The following ANO8 variants were observed in gnomAD, a reference collection of about 807,000 sequenced individuals.
ANO8 encodes the protein anoctamin-8.
Under a neutral mutation model 120.4 loss-of-function variants are expected in ANO8, and 67 were observed. That is an observed-to-expected ratio of 0.56 (90% CI 0.46 to 0.68). The LOEUF (loss-of-function observed/expected upper bound fraction) is 0.68, where lower values mean the gene tolerates loss of function less well. Ranked by LOEUF, ANO8 falls within the 30% of genes least tolerant of loss-of-function variation. The pLI is 0.00. For synonymous variants in ANO8, 727 were observed against 759.2 expected, an observed-to-expected ratio of 0.96 and a Z score of 0.70; for missense variants, 1,526 against 1,737.6, an observed-to-expected ratio of 0.88 and a Z score of 2.16.
At chr19:17,328,138 T>G (rs377730643) in intron 13 of ANO8, 24 bp downstream of exon 13, 441 of 1,145,052 alleles carry the variant, frequency 3.9e-4, no homozygotes, top group Non-Finnish European at 4.8e-4. Flanking sequence ...CCCCGCCCCC[T>G]GCGAGGCCCC....
In ANO8 at chr19:17,323,814, C is replaced by T. The variant is rs1484670217; in HGVS notation, c.3402G>A (p.Pro1134=). Residue 1134 remains proline (P), a synonymous_variant, in exon 18 of 18, where the codon CCG becomes CCA. Transcript: ENST00000159087. ...TCGGGGGCCGGGGCAGCGGCATTGGCGGCGGCGGCGCGGGGCTCCGGCTGC... is the reference window on the plus strand; with the variant it reads ...TCGGGGGCCGGGGCAGCGGCATTGGTGGCGGCGGCGCGGGGCTCCGGCTGC... ...TRRSRSPAPP[P]PMPLPRPPTP... is the part of the protein sequence containing the mutation. The T allele has an allele frequency of 1.2e-5, 13 of 1,127,512 alleles. No homozygotes were observed. The highest frequency in any genetic ancestry group is 1.3e-5 in the Non-Finnish European group (12 of 917,888). The allele number at this position is 1,127,512 out of a possible 1,614,324, so 69.8% of individuals were successfully genotyped here. A position where few individuals can be genotyped will look rare whatever the true frequency, so the allele number is the denominator to read the frequency against.
At chr19:17,329,259 C>T (rs1029521333) in intron 12 of ANO8, 2 of 414,908 alleles carry the variant, frequency 4.8e-6, no homozygotes, top group Non-Finnish European at 8.6e-6. Flanking sequence ...CACTGGGCCG[C>T]GTGCGCCCCC....
At chr19:17,331,461 C>T (rs1175376536) in intron 5 of ANO8, 50 bp from the exon 6 acceptor site, 1 of 1,550,120 alleles carries the variant, frequency 6.5e-7, no homozygotes, top group Admixed American at 1.7e-5. Flanking sequence ...CTGTGCCTAG[C>T]CTGGCTAGCC....
chr19:17,326,582 C>G (rs2074274934), intron 16 of ANO8, among the ~76,000 whole-genome samples: 1 of 152,154 alleles, frequency 6.6e-6, no homozygotes, highest in African/African-American at 2.4e-5. Flanking sequence ...ACGCGAGGCT[C>G]TGTTCAATAA....
intron 12 of ANO8, 105 bp downstream of exon 12, chr19:17,329,652 A>G: frequency 1.3e-6 from 1 of 780,406 alleles, no homozygotes. Flanking sequence ...AGGATGGAGG[A>G]GGGGAGGGAG....
rs371332758 is a variant in ANO8, at chr19:17,333,067, C to G, written c.489+34G>C. ...CGTGAGCTCAGGGAACTCATAGGCACAGGATGCATGCGGGGGCCCAGAGCC... is the reference window on the plus strand; with the variant it reads ...CGTGAGCTCAGGGAACTCATAGGCAGAGGATGCATGCGGGGGCCCAGAGCC... On this transcript the variant is annotated intron_variant, in intron 4 of 17. Transcript: ENST00000159087. This position sits in a 1 kb window ranked among gnomAD's most constrained non-coding sequence, Gnocchi z 7.2. The G allele has an allele frequency of 6.2e-7, 1 of 1,613,840 alleles. No homozygotes were observed. Among genetic ancestry groups the G allele is most frequent in the Non-Finnish European group, 8.5e-7 (1 of 1,179,914 alleles).
Position 17,325,130 on chromosome 19 carries a change from T to C in ANO8, c.2918A>G (p.Asn973Ser), listed in dbSNP as rs749610851. The C allele has an allele frequency of 9.3e-6, 15 of 1,613,686 alleles. No individual in the cohort carries two copies. Among genetic ancestry groups the C allele is most frequent in the Middle Eastern group, 1.6e-4 (1 of 6,062 alleles). ...GATCTGCTTCAACTTCATGACGTTG[T>C]TGGGTGCCAGCAGGGACCCTGGGCG... The part of the protein sequence containing the change: ...PKRPGSLLAP[N>S]NVMKLKQIIP... The change falls in exon 17 of 18, where the codon AAC becomes AGC. Residue 973 changes from asparagine to serine, a missense_variant. By Grantham distance (46) the Asn-to-Ser change is conservative. This residue lies in a region of ANO8 where 489 missense variants were observed against 548.6 expected (regional missense o/e 0.89). Transcript: ENST00000159087.
rs1023071668 is a variant in ANO8, at chr19:17,328,590, C to G, written c.1798G>C (p.Glu600Gln). ...EEDEEEEEDE[E>Q]EGEEGGLLDC... Reference sequence around the variant, plus strand: ...AGGAGGCCCCCTTCCTCGCCCTCCTCCTCGTCCTCCTCTTCCTCCTCGTCC... The same window carrying G: ...AGGAGGCCCCCTTCCTCGCCCTCCTGCTCGTCCTCCTCTTCCTCCTCGTCC... Residue 600 changes from glutamate (E) to glutamine (Q), a missense_variant, in exon 13 of 18, where the codon GAG becomes CAG. This residue lies in a region of ANO8 where 467 missense variants were observed against 425.8 expected (regional missense o/e 1.10). Transcript: ENST00000159087. 11 of 1,545,580 alleles carry G rather than the reference C, an allele frequency of 7.1e-6. No individual in the cohort carries two copies. Among genetic ancestry groups the G allele is most frequent in the Non-Finnish European group, 8.7e-6 (10 of 1,145,558 alleles).
At chr19:17,325,864 G>A (rs1211607827) in intron 16 of ANO8, among the ~76,000 whole-genome samples, 1 of 152,202 alleles carries the variant, frequency 6.6e-6, no homozygotes, top group Non-Finnish European at 1.5e-5. Context: ...GGAGACGGAG[G>A]TTGCAGTGAG....
chr19:17,328,998 G>T lies in ANO8; in HGVS notation c.1405-15C>A. 6.8e-7 allele frequency: 1 copy of T among 1,468,150 alleles called. No homozygotes were observed. The highest frequency in any genetic ancestry group is 9.0e-7 in the Non-Finnish European group (1 of 1,110,920). 90.9% of individuals were successfully genotyped at this position (1,468,150 alleles called of 1,614,324 possible). A position where few individuals can be genotyped will look rare whatever the true frequency, so the allele number is the denominator to read the frequency against. On this transcript the variant is annotated splice_polypyrimidine_tract_variant and intron_variant, in intron 12 of 17. Coordinates refer to ENST00000159087, the MANE Select transcript of ANO8 (RefSeq NM_020959.3). The stretch of plus-strand genomic sequence containing the variant: ...GTGGCCAGCATCTGGGGGCAGGAAG[G>T]GGAAGGAGAGAGGCGCGTGGGGGGC...
chr19:17,330,052 TCCC>T, intron 10 of ANO8, 38 bp from the exon 11 acceptor site: 1 of 1,613,430 alleles, frequency 6.2e-7, no homozygotes, highest in South Asian at 1.1e-5. Context: ...GCAGCCGCGG[TCCC>T]CCCAAGGGTG....
At chr19:17,332,540 G>T (rs771959232) in intron 5 of ANO8, among the ~76,000 whole-genome samples, 2 of 152,200 alleles carry the variant, frequency 1.3e-5, no homozygotes, top group African/African-American at 2.4e-5. Flanking sequence ...TCTGTAAGTG[G>T]AGTGCTGTCC....
At position 17,333,875 on chromosome 19, in the gene ANO8, G is replaced by C; in HGVS notation, c.107-75C>G. 7.8e-7 allele frequency: 1 copy of C among 1,284,044 alleles called. No homozygotes were observed. Among genetic ancestry groups the C allele is most frequent in the South Asian group, 1.3e-5 (1 of 77,834 alleles). The allele number at this position is 1,284,044 out of a possible 1,614,324, so 79.5% of individuals were successfully genotyped here. ...CCGGCCTCCAGTCTTGGCTCCTCCT[G>C]CCCCCGCCAGGGCTCCTCACCACTC... is the stretch of plus-strand genomic sequence containing the variant. On this transcript the variant is annotated intron_variant, in intron 1 of 17. Coordinates refer to ENST00000159087, the MANE Select transcript of ANO8 (RefSeq NM_020959.3). The surrounding 1 kb of genome is among the most constrained non-coding windows in gnomAD (Gnocchi z 7.2).
chr19:17,323,598 C>A lies in ANO8; in HGVS notation c.3618G>T (p.Ser1206=). 1.0e-6 allele frequency: 1 copy of A among 991,694 alleles called. No individual in the cohort carries two copies. The highest frequency in any genetic ancestry group is 1.2e-6 in the Non-Finnish European group (1 of 839,232). The allele number at this position is 991,694 out of a possible 1,614,324, so 61.4% of individuals were successfully genotyped here. A position where few individuals can be genotyped will look rare whatever the true frequency, so the allele number is the denominator to read the frequency against. The change falls in exon 18 of 18, where the codon TCG becomes TCT. Residue 1206 remains serine, a synonymous_variant. Coordinates refer to ENST00000159087, the MANE Select transcript of ANO8 (RefSeq NM_020959.3). ...AGGGCGCTGGGGTCTCGAGGGGATC[C>A]GAGGTGGGCGGTAGCGGTGGGGGCG... The part of the protein sequence containing the change: ...SLPPPPLPPT[S]DPLETPAPSP...
chr19:17,328,768 GC>G lies in ANO8; in HGVS notation c.1619del (p.Gly540AlafsTer75). The stretch of plus-strand genomic sequence containing the variant: ...CCCCGCTGAGGCACCTGCGGCCCCC[GC>G]CCCCGCTGCCGCCGCCCCCGCCCTC... ...ADEGGGGGSG[G>X]GGRRCLSGGC... is the part of the protein sequence containing the mutation. On this transcript the variant is annotated frameshift_variant, in exon 13 of 18. Transcript: ENST00000159087. LOFTEE classifies it high-confidence loss of function. 1 of 1,316,580 alleles carries G rather than the reference GC, an allele frequency of 7.6e-7. No individual in the cohort carries two copies. Among genetic ancestry groups the G allele is most frequent in the Non-Finnish European group, 9.6e-7 (1 of 1,040,468 alleles). 81.6% of individuals were successfully genotyped at this position (1,316,580 alleles called of 1,614,324 possible).
At chr19:17,324,680 G>C in intron 17 of ANO8, 37 bp downstream of exon 17, 1 of 1,485,430 alleles carries the variant, frequency 6.7e-7, no homozygotes, top group South Asian at 1.4e-5. Context: ...CCCCAAAGCC[G>C]GCCCGGCGTC....
chr19:17,331,651 GT>G (rs369893061), intron 5 of ANO8, among the ~76,000 whole-genome samples: 36,472 of 143,300 alleles, frequency 0.25, 5,071 homozygotes, highest in South Asian at 0.39. Context: ...GAGGAACCAT[GT>G]TTTTTTTTTT....
chr19:17,329,305 C>T (rs1358291410), intron 12 of ANO8: 2 of 373,190 alleles, frequency 5.4e-6, no homozygotes, highest in East Asian at 4.7e-5. Context: ...GCCCCCGACC[C>T]CAGATTCCCT....
intron 12 of ANO8, chr19:17,329,545 T>G (rs1237966820): frequency 3.4e-6 from 2 of 594,534 alleles, no homozygotes; most frequent in African/African-American, 1.9e-5. Flanking sequence ...GCAGGAGCTG[T>G]GAAGGGACCG....
Sources: gnomAD v4.1 joint callset for allele counts (sites outside exome capture counted in the v4.1 genomes callset) on GRCh38, gnomAD v4.1.1 for gene constraint, gnomAD v4.1.1 regional missense constraint, Gnocchi (gnomAD v3.1) non-coding constraint, MANE v1.5 for transcripts, NCBI Gene and HGNC (gene_info 2026-07-23, HGNC 2026-07-21) for gene names.